GLI3: variants seen among roughly 807,000 people sequenced by gnomAD.
GLI3 encodes GLI family zinc finger 3.
A neutral mutation model predicts 100.8 loss-of-function variants in GLI3; 20 were observed. The ratio of observed to expected loss-of-function variants is 0.20; its 90% CI spans 0.14 to 0.29. The LOEUF (loss-of-function observed/expected upper bound fraction) is 0.29. GLI3 is among the 10% of genes least tolerant of loss of function. GLI3 has a pLI of 1.00. For missense variants in GLI3, 2,040 were observed against 2,128.5 expected (o/e 0.96, Z 0.82); for synonymous variants, 938 against 860.5 (o/e 1.09, Z -1.58).
intron 10 of GLI3, among the ~76,000 whole-genome samples, chr7:42,005,139 C>CA (rs1291945445): frequency 2.0e-5 from 3 of 152,104 alleles, no homozygotes; most frequent in South Asian, 2.1e-4. Flanking sequence ...TACATGAAGA[C>CA]AAAAATATTT....
chr7:41,979,173 T>C (rs7802411), intron 10 of GLI3, among the ~76,000 whole-genome samples: 13,245 of 152,266 alleles, frequency 0.087, 662 homozygotes, highest in African/African-American at 0.12. Flanking sequence ...AACTCTCACA[T>C]GCTGGGCCAT....
intron 3 of GLI3, among the ~76,000 whole-genome samples, chr7:42,132,865 A>G (rs1334885598): frequency 6.6e-6 from 1 of 152,120 alleles, no homozygotes; most frequent in Non-Finnish European, 1.5e-5. Context: ...GAAACATTAA[A>G]CTGAGACTGG....
upstream of GLI3, among the ~76,000 whole-genome samples, chr7:42,239,402 G>T (rs1788900380): frequency 2.6e-5 from 4 of 151,954 alleles, no homozygotes; most frequent in East Asian, 1.9e-4. Context: ...CTACAAGTGT[G>T]TAAGAATTAT....
chr7:42,219,865 T>G (rs563478115), intron 2 of GLI3, among the ~76,000 whole-genome samples: 31 of 151,536 alleles, frequency 2.0e-4, no homozygotes, highest in Non-Finnish European at 4.6e-4. Flanking sequence ...TTTTTTTTTT[T>G]TTTTTTGAGA....
chr7:42,022,615 A>T (rs1788977156), intron 10 of GLI3, among the ~76,000 whole-genome samples: 1 of 152,224 alleles, frequency 6.6e-6, no homozygotes, highest in African/African-American at 2.4e-5. Flanking sequence ...TGCTTCTGCC[A>T]GGAGTTGTAG....
chr7:42,182,602 T>C (rs554352338), intron 2 of GLI3, among the ~76,000 whole-genome samples: 145 of 138,566 alleles, frequency 1.0e-3, no homozygotes, highest in Middle Eastern at 3.7e-3. Flanking sequence ...CCTCACATAG[T>C]ATTAAAAAAA....
At chr7:42,154,698 G>A (rs529068547) in intron 2 of GLI3, among the ~76,000 whole-genome samples, 7 of 152,298 alleles carry the variant, frequency 4.6e-5, no homozygotes, top group African/African-American at 1.2e-4. Context: ...GCAGAATTAC[G>A]CTAGGAAGGG....
intron 2 of GLI3, among the ~76,000 whole-genome samples, chr7:42,161,028 T>C (rs1787119321): frequency 1.3e-5 from 2 of 152,202 alleles, no homozygotes; most frequent in African/African-American, 4.8e-5. Flanking sequence ...TCCCTTCTAC[T>C]TGGTTTTCTA....
In GLI3 at chr7:41,989,987, CAAAAAAAAAAA is replaced by C. The variant is rs60763223; in HGVS notation, c.1498-11250_1498-11240del. Among the ~76,000 whole-genome samples the C allele has an allele frequency of 6.2e-4, 39 of 62,862 alleles. No individual in the cohort carries two copies. The East Asian group carries it at 0.012, about 20-fold the overall frequency. The allele number at this position is 62,862 out of a possible 152,430, so 41.2% of individuals were successfully genotyped here. On this transcript the variant is annotated intron_variant, in intron 10 of 14. Coordinates refer to ENST00000395925, the MANE Select transcript of GLI3 (RefSeq NM_000168.6). ...GGGTGACAGAGCAAGACTCTGTCTC[CAAAAAAAAAAA>C]AAAAAAAAAAGGAAACATAATGCTT...
intron 10 of GLI3, among the ~76,000 whole-genome samples, chr7:41,995,980 G>A (rs1462932775): frequency 1.3e-5 from 2 of 152,190 alleles, no homozygotes; most frequent in East Asian, 1.9e-4. Context: ...CTGGTGGTCT[G>A]GAAGGAGATA....
rs570578091 is a variant in GLI3, at chr7:42,106,629, T to C, written c.368-29772A>G. 1.2e-3 allele frequency among the ~76,000 whole-genome samples: 181 copies of C among 152,296 alleles called. 6 individuals carry two copies. Among genetic ancestry groups the C allele is most frequent in the Non-Finnish European group, 4.1e-4 (28 of 68,012 alleles). Reference sequence around the variant, plus strand: ...GAAATCTATAATTATATGGAATAAATAGACACAAAATGAGAACAAGAAGGA... The same window carrying C: ...GAAATCTATAATTATATGGAATAAACAGACACAAAATGAGAACAAGAAGGA... On this transcript the variant is annotated intron_variant, in intron 3 of 14. Coordinates refer to ENST00000395925, the MANE Select transcript of GLI3 (RefSeq NM_000168.6).
intron 2 of GLI3, among the ~76,000 whole-genome samples, chr7:42,157,954 A>G (rs1787043070): frequency 6.6e-6 from 1 of 152,190 alleles, no homozygotes; most frequent in African/African-American, 2.4e-5. Flanking sequence ...GCCTATGTAA[A>G]ATTATGTCAT....
intron 2 of GLI3, among the ~76,000 whole-genome samples, chr7:42,181,745 C>T (rs1787598679): frequency 6.6e-6 from 1 of 152,162 alleles, no homozygotes; most frequent in Admixed American, 6.5e-5. Flanking sequence ...ACACTACATT[C>T]CCCTAAGATG....
chr7:42,034,267 G>A (rs1353671131), intron 7 of GLI3, among the ~76,000 whole-genome samples: 1 of 152,240 alleles, frequency 6.6e-6, no homozygotes, highest in Non-Finnish European at 1.5e-5. Context: ...AGAAAGAAGT[G>A]TGTCTGGTGA....
rs142246595 is a variant in GLI3, at chr7:42,229,773, A to AT, written c.-42-6479dup. 9.8e-3 allele frequency among the ~76,000 whole-genome samples: 1,480 copies of AT among 151,706 alleles called. 20 individuals are homozygous for AT. The highest frequency in any genetic ancestry group is 0.034 in the African/African-American group (1,416 of 41,370). On this transcript the variant is annotated intron_variant, in intron 1 of 14. Coordinates refer to ENST00000395925, the MANE Select transcript of GLI3 (RefSeq NM_000168.6). ...AATAAATAAATCCTTTAGAAAGAGA[A>AT]TTTTTTTTTCAGAATCAAGAAGTAC...
chr7:42,009,970 A>G (rs1788567278), intron 10 of GLI3, among the ~76,000 whole-genome samples: 2 of 152,166 alleles, frequency 1.3e-5, no homozygotes, highest in Admixed American at 6.6e-5. Context: ...TTATTTCCAC[A>G]TATTTACTTT....
chr7:42,122,360 T>C (rs1184016100), intron 3 of GLI3, among the ~76,000 whole-genome samples: 2 of 152,142 alleles, frequency 1.3e-5, no homozygotes, highest in East Asian at 3.9e-4. Flanking sequence ...TCTGTAGGTA[T>C]AACCACAAAT....
intron 7 of GLI3, among the ~76,000 whole-genome samples, chr7:42,035,368 C>G (rs1385977466): frequency 6.6e-6 from 1 of 152,188 alleles, no homozygotes; most frequent in Non-Finnish European, 1.5e-5. Context: ...TAGTGTCAGA[C>G]AGGGCTGATG....
intron 2 of GLI3, among the ~76,000 whole-genome samples, chr7:42,201,876 G>A (rs762792790): frequency 6.6e-6 from 1 of 152,142 alleles, no homozygotes; most frequent in Non-Finnish European, 1.5e-5. Flanking sequence ...AAGGTCAGGA[G>A]ATCAAGACCA....
Sources: gnomAD v4.1 joint callset for allele counts (sites outside exome capture counted in the v4.1 genomes callset) on GRCh38, gnomAD v4.1.1 for gene constraint, MANE v1.5 for transcripts, NCBI Gene and HGNC (gene_info 2026-07-23, HGNC 2026-07-21) for gene names.